Variants in RASEF observed in about 807,000 individuals in gnomAD.
The protein encoded by RASEF is ras and EF-hand domain-containing protein.
Under a neutral mutation model 90.1 loss-of-function variants are expected in RASEF, and 68 were observed. That is an observed-to-expected ratio of 0.75 (90% CI 0.62 to 0.92). The LOEUF is 0.92. Ranked by LOEUF, RASEF falls within the 40% of genes least tolerant of loss-of-function variation. The pLI is 0.00. For synonymous variants in RASEF, 331 were observed against 345.2 expected, an observed-to-expected ratio of 0.96 and a Z score of 0.46; for missense variants, 949 against 937.2, an observed-to-expected ratio of 1.01 and a Z score of -0.16.
At chr9:83,168,602 T>C in the RASEF span, among the ~76,000 whole-genome samples, 1 of 152,040 alleles carries the variant, frequency 6.6e-6, no homozygotes, top group South Asian at 2.1e-4. Context: ...TAAGGAACTC[T>C]AACAACTCAA....
chr9:83,103,758 AC>A, the RASEF span, among the ~76,000 whole-genome samples: 1 of 152,278 alleles, frequency 6.6e-6, no homozygotes. Flanking sequence ...TCTTCCTTAG[AC>A]CCCTGGATTG....
chr9:83,213,638 A>G, the RASEF span, among the ~76,000 whole-genome samples: 3 of 152,080 alleles, frequency 2.0e-5, no homozygotes, highest in Non-Finnish European at 4.4e-5. Context: ...AAGCTTCAGG[A>G]TTCTCTAAGC....
intron 1 of RASEF, among the ~76,000 whole-genome samples, chr9:83,041,008 G>A (rs1436815421): frequency 2.0e-5 from 3 of 152,080 alleles, no homozygotes; most frequent in African/African-American, 4.8e-5. Flanking sequence ...TTACAGGCAC[G>A]CGCCACCATG....
the RASEF span, among the ~76,000 whole-genome samples, chr9:83,119,828 C>T: frequency 4.3e-3 from 654 of 152,288 alleles, 3 homozygotes; most frequent in Non-Finnish European, 7.7e-3. Flanking sequence ...TAGCTATTTC[C>T]TGGTTTTCAT....
chr9:83,017,381 T>C (rs1238901853), intron 3 of RASEF, among the ~76,000 whole-genome samples: 1 of 150,656 alleles, frequency 6.6e-6, no homozygotes, highest in East Asian at 1.9e-4. Flanking sequence ...GCGCCTGTTG[T>C]CCCAGCTACT....
chr9:83,118,634 G>T, the RASEF span, among the ~76,000 whole-genome samples: 6 of 152,198 alleles, frequency 3.9e-5, no homozygotes, highest in South Asian at 8.3e-4. Flanking sequence ...GAATATTCCT[G>T]GGTGTGGTCA....
chr9:83,021,203 C>A (rs538484244), intron 3 of RASEF, among the ~76,000 whole-genome samples: 1 of 152,172 alleles, frequency 6.6e-6, no homozygotes, highest in South Asian at 2.1e-4. Flanking sequence ...TCATGTCTAA[C>A]CCCTGTGAAG....
chr9:83,070,773 T>A, the RASEF span, among the ~76,000 whole-genome samples: 1 of 152,310 alleles, frequency 6.6e-6, no homozygotes, highest in African/African-American at 2.4e-5. Context: ...ATTATATCTC[T>A]CTGTTTAATT....
intron 16 of RASEF, among the ~76,000 whole-genome samples, chr9:82,989,587 G>T (rs894141210): frequency 9.2e-5 from 14 of 152,096 alleles, no homozygotes; most frequent in Admixed American, 4.6e-4. Flanking sequence ...TTTACTAGCA[G>T]AAAAGGCCAA....
the RASEF span, among the ~76,000 whole-genome samples, chr9:83,133,867 T>G: frequency 3.3e-5 from 5 of 152,088 alleles, no homozygotes; most frequent in African/African-American, 7.2e-5. Context: ...TCACACAAAT[T>G]GAGTTCCACC....
At position 83,020,724 on chromosome 9, in the gene RASEF, A is replaced by G. The variant is rs138256436; in HGVS notation, c.669+1612T>C. 1.4e-3 allele frequency among the ~76,000 whole-genome samples: 217 copies of G among 152,350 alleles called. 1 individual carries two copies. Among genetic ancestry groups the G allele is most frequent in the African/African-American group, 5.1e-3 (211 of 41,582 alleles). On this transcript the variant is annotated intron_variant, in intron 3 of 16. Transcript: ENST00000376447. ...CATGAAATTCTAAAAGGTGGGGGCC[A>G]TGGTAATATCCCCATTACCAGCAAC...
At chr9:82,993,688 A>G (rs1287830997) in intron 14 of RASEF, among the ~76,000 whole-genome samples, 1 of 152,250 alleles carries the variant, frequency 6.6e-6, no homozygotes, top group Non-Finnish European at 1.5e-5. Context: ...CTTTCAAAGT[A>G]ATGGATTCTA....
the RASEF span, among the ~76,000 whole-genome samples, chr9:83,198,744 G>A: frequency 6.6e-6 from 1 of 152,136 alleles, no homozygotes; most frequent in Non-Finnish European, 1.5e-5. Flanking sequence ...TGAGCAAGCA[G>A]AGATGCAGGA....
At chr9:83,175,009 G>T in the RASEF span, among the ~76,000 whole-genome samples, 1 of 152,002 alleles carries the variant, frequency 6.6e-6, no homozygotes, top group Admixed American at 6.5e-5. Context: ...TTCTACTGGG[G>T]TGTTTAATAG....
rs540108606 is a variant in RASEF, at chr9:83,060,990, G to A, written c.431+1447C>T. 7.9e-5 allele frequency among the ~76,000 whole-genome samples: 12 copies of A among 152,240 alleles called. No individual in the cohort carries two copies. The South Asian group carries it at 2.5e-3, about 32-fold the overall frequency. On this transcript the variant is annotated intron_variant, in intron 1 of 16. Coordinates refer to ENST00000376447, the MANE Select transcript of RASEF (RefSeq NM_152573.4). ...TGTGAAATATTTGTTGCTGAGACTA[G>A]ACAACTGTGAAAAACAGATCCACAT...
chr9:83,028,899 G>A (rs188659056), intron 1 of RASEF, among the ~76,000 whole-genome samples: 4 of 152,100 alleles, frequency 2.6e-5, no homozygotes, highest in African/African-American at 9.7e-5. Context: ...TATAAAAAGA[G>A]ATAGGAACCC....
At position 83,062,626 on chromosome 9, in the gene RASEF, C is replaced by A. The variant is rs1261205753; in HGVS notation, c.242G>T (p.Arg81Leu). The change falls in exon 1 of 17, where the codon CGG becomes CTG. Residue 81 changes from arginine to leucine, a missense_variant. Arg to Leu is a moderately radical substitution (Grantham distance 102). Coordinates refer to ENST00000376447, the MANE Select transcript of RASEF (RefSeq NM_152573.4). Reference sequence around the variant, plus strand: ...CGCGGGATCCAGAGGACCCCAGTCCCGGCGCCGCCCCCCGCGGAGGGACCC... The same window carrying A: ...CGCGGGATCCAGAGGACCCCAGTCCAGGCGCCGCCCCCCGCGGAGGGACCC... ...FLGSLRGGRR[R>L]DWGPLDPAPA... The A allele has an allele frequency of 6.4e-7, 1 of 1,554,222 alleles. No individual in the cohort carries two copies. The highest frequency in any genetic ancestry group is 2.4e-5 in the East Asian group (1 of 41,798).
Position 82,981,857 on chromosome 9 carries a change from A to C in RASEF, c.*820T>G, listed in dbSNP as rs1176476827. ...TGCTTTCAGTAGTATGTGGCTTTAC[A>C]TGTTTCCATTAGAATTTTTAACACC... On this transcript the variant is annotated 3_prime_UTR_variant, in exon 17 of 17. Transcript: ENST00000376447. 1 of 152,198 alleles carries C rather than the reference A, an allele frequency of 6.6e-6. No homozygotes were observed. Among genetic ancestry groups the C allele is most frequent in the Non-Finnish European group, 1.5e-5 (1 of 68,040 alleles). 9.4% of individuals were successfully genotyped at this position (152,198 alleles called of 1,614,324 possible). A position where few individuals can be genotyped will look rare whatever the true frequency, so the allele number is the denominator to read the frequency against.
chr9:83,032,765 A>C (rs552242636), intron 1 of RASEF, among the ~76,000 whole-genome samples: 2 of 152,366 alleles, frequency 1.3e-5, no homozygotes, highest in East Asian at 3.9e-4. Context: ...GAGGGAAATT[A>C]TACGTACTTG....
Sources: gnomAD v4.1 joint callset for allele counts (sites outside exome capture counted in the v4.1 genomes callset) on GRCh38, gnomAD v4.1.1 for gene constraint, MANE v1.5 for transcripts, NCBI Gene and HGNC (gene_info 2026-07-23, HGNC 2026-07-21) for gene names.